Variants in TMEM158 observed in about 807,000 individuals in gnomAD.
TMEM158 encodes the protein 40 kDa BINP-binding protein.
A neutral mutation model predicts 12.0 loss-of-function variants in TMEM158; 7 were observed. The ratio of observed to expected loss-of-function variants is 0.59; its 90% CI spans 0.33 to 1.10. The LOEUF is 1.10. Among genes scored for constraint, TMEM158 ranks in the 50% least tolerant of loss-of-function variants. TMEM158 has a pLI of 0.03. For missense variants in TMEM158, 405 were observed against 454.7 expected, an observed-to-expected ratio of 0.89 and a Z score of 0.99; for synonymous variants, 209 against 231.1, an observed-to-expected ratio of 0.90 and a Z score of 0.87.
Position 45,225,390 on chromosome 3 carries a change from C to A in TMEM158, c.638G>T (p.Trp213Leu), listed in dbSNP as rs756436863. The change falls in exon 1 of 1, where the codon TGG becomes TTG. Residue 213 changes from tryptophan to leucine, a missense_variant. Transcript: ENST00000503771. The surrounding 1 kb of genome is among the most constrained non-coding windows in gnomAD (Gnocchi z 5.7). ...SLEELQGEPG[W>L]RLNRKPIEST... ...CTCAATGGGCTTACGGTTCAGCCGC[C>A]AGCCCGGCTCGCCCTGCAGCTCCTC... 6.7e-7 allele frequency: 1 copy of A among 1,497,006 alleles called. No individual in the cohort carries two copies. The highest frequency in any genetic ancestry group is 9.0e-7 in the Non-Finnish European group (1 of 1,116,990). 92.7% of individuals were successfully genotyped at this position (1,497,006 alleles called of 1,614,324 possible). A position where few individuals can be genotyped will look rare whatever the true frequency, so the allele number is the denominator to read the frequency against.
Position 45,225,871 on chromosome 3 carries a change from A to T in TMEM158, c.157T>A (p.Ser53Thr). The change falls in exon 1 of 1, where the codon TCG becomes ACG. Residue 53 changes from serine (S) to threonine (T), a missense_variant. Transcript: ENST00000503771. This position sits in a 1 kb window ranked among gnomAD's most constrained non-coding sequence, Gnocchi z 5.7. Reference protein sequence around the residue: ...DEPIAPRLLASAAPGPPERPG... With the variant: ...DEPIAPRLLATAAPGPPERPG... ...CGCTCGGGGGGCCCGGGGGCCGCCG[A>T]GGCCAGCAGCCGCGGGGCGATGGGC... 5 of 1,218,208 alleles carry T rather than the reference A, an allele frequency of 4.1e-6. No individual in the cohort carries two copies. The highest frequency in any genetic ancestry group is 5.1e-6 in the Non-Finnish European group (5 of 982,614). The allele number at this position is 1,218,208 out of a possible 1,614,324, so 75.5% of individuals were successfully genotyped here.
At position 45,225,343 on chromosome 3, in the gene TMEM158, T is replaced by G. The variant is rs755161611; in HGVS notation, c.685A>C (p.Met229Leu). ...CTCCACACCACGATGACCAGGGTCA[T>G]GAAGCAGGCCACCAGCGTGGACTCA... ...PIESTLVACF[M>L]TLVIVVWSVA... Residue 229 changes from methionine (M) to leucine (L), a missense_variant, in exon 1 of 1, where the codon ATG (methionine) becomes CTG (leucine). Met to Leu is a conservative substitution (Grantham distance 15). Transcript: ENST00000503771. This position sits in a 1 kb window ranked among gnomAD's most constrained non-coding sequence, Gnocchi z 5.7. 1 of 1,525,900 alleles carries G rather than the reference T, an allele frequency of 6.6e-7. No homozygotes were observed. The allele number at this position is 1,525,900 out of a possible 1,614,324, so 94.5% of individuals were successfully genotyped here. A position where few individuals can be genotyped will look rare whatever the true frequency, so the allele number is the denominator to read the frequency against.
chr3:45,224,642 T>TA lies in TMEM158; in HGVS notation c.*482dup, dbSNP rs764485028. ...GCCCTCCCCCCAATTTTAAATAAAT[T>TA]AAAAAACCACAAATTTCAAATACAA... On this transcript the variant is annotated 3_prime_UTR_variant, in exon 1 of 1. Coordinates refer to ENST00000503771, the MANE Select transcript of TMEM158 (RefSeq NM_015444.3). 1 of 153,272 alleles carries TA rather than the reference T, an allele frequency of 6.5e-6. No individual in the cohort carries two copies. Among genetic ancestry groups the TA allele is most frequent in the Admixed American group, 6.5e-5 (1 of 15,302 alleles). The allele number at this position is 153,272 out of a possible 1,614,324, so 9.5% of individuals were successfully genotyped here.
rs1244912266 is a variant in TMEM158 at position 45,225,885 on chromosome 3, G to A, written c.143C>T (p.Pro48Leu). ...NASSADEPIAPRLLASAAPGP... is the reference protein window; with the variant it reads ...NASSADEPIALRLLASAAPGP... ...GGGGGCCGCCGAGGCCAGCAGCCGC[G>A]GGGCGATGGGCTCGTCCGCGGAGGA... Residue 48 changes from proline (P) to leucine (L), a missense_variant, in exon 1 of 1, where the codon CCG (proline) becomes CTG (leucine). Transcript: ENST00000503771. The surrounding 1 kb of genome is among the most constrained non-coding windows in gnomAD (Gnocchi z 5.7). 3.3e-6 allele frequency: 4 copies of A among 1,210,010 alleles called. No homozygotes were observed. Among genetic ancestry groups the A allele is most frequent in the Non-Finnish European group, 2.0e-6 (2 of 977,478 alleles). 75.0% of individuals were successfully genotyped at this position (1,210,010 alleles called of 1,614,324 possible).
chr3:45,225,406 G>A lies in TMEM158; in HGVS notation c.622C>T (p.Gln208Ter). Residue 208 changes from glutamine (Q) to a stop codon, truncating the protein, a stop_gained, in exon 1 of 1, where the codon CAG becomes TAG. Transcript: ENST00000503771. LOFTEE classifies it high-confidence loss of function. The surrounding 1 kb of genome is among the most constrained non-coding windows in gnomAD (Gnocchi z 5.7). ...TTCAGCCGCCAGCCCGGCTCGCCCT[G>A]CAGCTCCTCCAGGCTGAAGTCTAGG... is the stretch of plus-strand genomic sequence containing the variant. ...CCLDFSLEEL[Q>*]GEPGWRLNRK... The A allele has an allele frequency of 6.8e-7, 1 of 1,474,520 alleles. No individual in the cohort carries two copies. The highest frequency in any genetic ancestry group is 1.3e-5 in the South Asian group (1 of 74,984). 91.3% of individuals were successfully genotyped at this position (1,474,520 alleles called of 1,614,324 possible). A position where few individuals can be genotyped will look rare whatever the true frequency, so the allele number is the denominator to read the frequency against.
chr3:45,225,265 C>T lies in TMEM158; in HGVS notation c.763G>A (p.Gly255Ser). The T allele has an allele frequency of 7.0e-7, 1 of 1,421,556 alleles. No homozygotes were observed. The highest frequency in any genetic ancestry group is 9.3e-7 in the Non-Finnish European group (1 of 1,073,924). 88.1% of individuals were successfully genotyped at this position (1,421,556 alleles called of 1,614,324 possible). The part of the protein sequence containing the change: ...VPIIAGFLPN[G>S]MEQRRTTAST... ...GCGGTGGTCCGGCGCTGTTCCATGC[C>T]GTTGGGCAGGAAGCCGGCGATGATG... is the stretch of plus-strand genomic sequence containing the variant. The change falls in exon 1 of 1, where the codon GGC becomes AGC. Residue 255 changes from glycine (G) to serine (S), a missense_variant. Transcript: ENST00000503771. This position sits in a 1 kb window ranked among gnomAD's most constrained non-coding sequence, Gnocchi z 5.7.
At position 45,224,992 on chromosome 3, in the gene TMEM158, G is replaced by A; in HGVS notation, c.*133C>T. On this transcript the variant is annotated 3_prime_UTR_variant, in exon 1 of 1. Transcript: ENST00000503771. ...AAACCTTGCTTTTCAAAGGCGCTGGGGTCTCTCGGCGGCCCCATCTCGGGA... is the reference window on the plus strand; with the variant it reads ...AAACCTTGCTTTTCAAAGGCGCTGGAGTCTCTCGGCGGCCCCATCTCGGGA... 1 of 1,184,546 alleles carries A rather than the reference G, an allele frequency of 8.4e-7. No homozygotes were observed. The highest frequency in any genetic ancestry group is 3.6e-5 in the East Asian group (1 of 27,818). 73.4% of individuals were successfully genotyped at this position (1,184,546 alleles called of 1,614,324 possible). A position where few individuals can be genotyped will look rare whatever the true frequency, so the allele number is the denominator to read the frequency against.
chr3:45,225,271 G>C lies in TMEM158; in HGVS notation c.757C>G (p.Pro253Ala), dbSNP rs1439329055. The C allele has an allele frequency of 7.0e-7, 1 of 1,431,072 alleles. No individual in the cohort carries two copies. The highest frequency in any genetic ancestry group is 9.3e-7 in the Non-Finnish European group (1 of 1,079,100). 88.6% of individuals were successfully genotyped at this position (1,431,072 alleles called of 1,614,324 possible). ...GTCCGGCGCTGTTCCATGCCGTTGG[G>C]CAGGAAGCCGGCGATGATGGGCACC... is the stretch of plus-strand genomic sequence containing the variant. ...WPVPIIAGFL[P>A]NGMEQRRTTA... The change falls in exon 1 of 1, where the codon CCC becomes GCC. Residue 253 changes from proline (P) to alanine (A), a missense_variant. Physicochemically the swap from Pro to Ala is conservative, Grantham distance 27 (BLOSUM62 -1). Coordinates refer to ENST00000503771, the MANE Select transcript of TMEM158 (RefSeq NM_015444.3). The surrounding 1 kb of genome is among the most constrained non-coding windows in gnomAD (Gnocchi z 5.7).
rs940835856 is a variant in TMEM158, at chr3:45,225,868, C to A, written c.160G>T (p.Ala54Ser). 1.6e-6 allele frequency: 2 copies of A among 1,224,630 alleles called. No homozygotes were observed. The highest frequency in any genetic ancestry group is 2.0e-6 in the Non-Finnish European group (2 of 986,374). 75.9% of individuals were successfully genotyped at this position (1,224,630 alleles called of 1,614,324 possible). A position where few individuals can be genotyped will look rare whatever the true frequency, so the allele number is the denominator to read the frequency against. Residue 54 changes from alanine to serine, a missense_variant, in exon 1 of 1, where the codon GCG becomes TCG. Coordinates refer to ENST00000503771, the MANE Select transcript of TMEM158 (RefSeq NM_015444.3). This position sits in a 1 kb window ranked among gnomAD's most constrained non-coding sequence, Gnocchi z 5.7. Reference protein sequence around the residue: ...EPIAPRLLASAAPGPPERPGP... With the variant: ...EPIAPRLLASSAPGPPERPGP... The stretch of plus-strand genomic sequence containing the variant: ...GGGCGCTCGGGGGGCCCGGGGGCCG[C>A]CGAGGCCAGCAGCCGCGGGGCGATG...
chr3:45,225,589 C>A lies in TMEM158; in HGVS notation c.439G>T (p.Gly147Cys). The change falls in exon 1 of 1, where the codon GGC becomes TGC. Residue 147 changes from glycine (G) to cysteine (C), a missense_variant. Coordinates refer to ENST00000503771, the MANE Select transcript of TMEM158 (RefSeq NM_015444.3). This position sits in a 1 kb window ranked among gnomAD's most constrained non-coding sequence, Gnocchi z 5.7. ...QQDLRLCVGC[G>C]WVRGRRTGRL... is the part of the protein sequence containing the mutation. ...CCGGTGCGGCGACCGCGCACCCAGCCGCAGCCCACGCAGAGGCGCAGGTCC... is the reference window on the plus strand; with the variant it reads ...CCGGTGCGGCGACCGCGCACCCAGCAGCAGCCCACGCAGAGGCGCAGGTCC... The A allele has an allele frequency of 8.2e-7, 1 of 1,213,058 alleles. No homozygotes were observed. Among genetic ancestry groups the A allele is most frequent in the Non-Finnish European group, 1.0e-6 (1 of 973,606 alleles). The allele number at this position is 1,213,058 out of a possible 1,614,324, so 75.1% of individuals were successfully genotyped here.
Position 45,224,985 on chromosome 3 carries a change from G to C in TMEM158, c.*140C>G. 8.5e-7 allele frequency: 1 copy of C among 1,180,676 alleles called. No homozygotes were observed. The highest frequency in any genetic ancestry group is 1.0e-6 in the Non-Finnish European group (1 of 952,476). The allele number at this position is 1,180,676 out of a possible 1,614,324, so 73.1% of individuals were successfully genotyped here. On this transcript the variant is annotated 3_prime_UTR_variant, in exon 1 of 1. Transcript: ENST00000503771. ...GCAGCACAAACCTTGCTTTTCAAAG[G>C]CGCTGGGGTCTCTCGGCGGCCCCAT...
At position 45,225,560 on chromosome 3, in the gene TMEM158, G is replaced by T; in HGVS notation, c.468C>A (p.Arg156=). 9.4e-7 allele frequency: 1 copy of T among 1,062,304 alleles called. No homozygotes were observed. The highest frequency in any genetic ancestry group is 1.1e-6 in the Non-Finnish European group (1 of 882,262). 65.8% of individuals were successfully genotyped at this position (1,062,304 alleles called of 1,614,324 possible). The change falls in exon 1 of 1, where the codon CGC becomes CGA. Residue 156 remains arginine (R), a synonymous_variant. Transcript: ENST00000503771. The surrounding 1 kb of genome is among the most constrained non-coding windows in gnomAD (Gnocchi z 5.7). ...CGWVRGRRTG[R]LRPAAAPSAA... ...CGCTGGGGGCGGCGGCGGGCCGGAG[G>T]CGGCCGGTGCGGCGACCGCGCACCC...
rs1351665765 is a variant in TMEM158, at chr3:45,225,632, C to T, written c.396G>A (p.Ala132=). The T allele has an allele frequency of 1.4e-6, 2 of 1,407,620 alleles. No individual in the cohort carries two copies. The highest frequency in any genetic ancestry group is 2.7e-5 in the South Asian group (2 of 73,016). The allele number at this position is 1,407,620 out of a possible 1,614,324, so 87.2% of individuals were successfully genotyped here. A position where few individuals can be genotyped will look rare whatever the true frequency, so the allele number is the denominator to read the frequency against. The change falls in exon 1 of 1, where the codon GCG becomes GCA. Residue 132 remains alanine, a synonymous_variant. Transcript: ENST00000503771. The surrounding 1 kb of genome is among the most constrained non-coding windows in gnomAD (Gnocchi z 5.7). The part of the protein sequence containing the change: ...PPLLIEHLGL[A]AGGAQQDLRL... ...GCAGGTCCTGCTGCGCGCCGCCCGC[C>T]GCCAGCCCCAGGTGCTCGATGAGCA...
In TMEM158 at chr3:45,225,148, T is replaced by A. The variant is rs1375258732; in HGVS notation, c.880A>T (p.Thr294Ser). 4.0e-6 allele frequency: 5 copies of A among 1,260,504 alleles called. No homozygotes were observed. Among genetic ancestry groups the A allele is most frequent in the African/African-American group, 3.1e-5 (2 of 64,180 alleles). The allele number at this position is 1,260,504 out of a possible 1,614,324, so 78.1% of individuals were successfully genotyped here. ...AAAAAAAAAV[T>S]SGVATK ...GGTCACTTGGTCGCCACCCCCGAAG[T>A]GACGGCCGCGGCGGCGGCGGCAGCG... is the stretch of plus-strand genomic sequence containing the variant. The change falls in exon 1 of 1, where the codon ACT becomes TCT. Residue 294 changes from threonine to serine, a missense_variant. Physicochemically the swap from Thr to Ser is moderately conservative, Grantham distance 58. Coordinates refer to ENST00000503771, the MANE Select transcript of TMEM158 (RefSeq NM_015444.3). The surrounding 1 kb of genome is among the most constrained non-coding windows in gnomAD (Gnocchi z 5.7).
rs998957305 is a variant in TMEM158, at chr3:45,225,452, G to C, written c.576C>G (p.Gly192=). The C allele has an allele frequency of 5.1e-6, 7 of 1,362,546 alleles. No homozygotes were observed. The African/African-American group carries it at 9.0e-5, about 17-fold the overall frequency. The allele number at this position is 1,362,546 out of a possible 1,614,324, so 84.4% of individuals were successfully genotyped here. A position where few individuals can be genotyped will look rare whatever the true frequency, so the allele number is the denominator to read the frequency against. The change falls in exon 1 of 1, where the codon GGC becomes GGG. Residue 192 remains glycine (G), a synonymous_variant. Coordinates refer to ENST00000503771, the MANE Select transcript of TMEM158 (RefSeq NM_015444.3). This position sits in a 1 kb window ranked among gnomAD's most constrained non-coding sequence, Gnocchi z 5.7. ...AEPPGPLWLQ[G]EPLHFCCLDF... ...CTAGGCAGCAGAAATGCAGCGGCTC[G>C]CCCTGCAGCCACAGCGGCCCGGGCG...
In TMEM158 at chr3:45,225,656, C is replaced by A. The variant is rs1700150773; in HGVS notation, c.372G>T (p.Leu124=). Residue 124 remains leucine (L), a synonymous_variant, in exon 1 of 1, where the codon CTG becomes CTT. Coordinates refer to ENST00000503771, the MANE Select transcript of TMEM158 (RefSeq NM_015444.3). This position sits in a 1 kb window ranked among gnomAD's most constrained non-coding sequence, Gnocchi z 5.7. ...AAAFHRVGPP[L]LIEHLGLAAG... ...CCGCCAGCCCCAGGTGCTCGATGAGCAGCGGCGGCCCGACGCGGTGGAAGG... is the reference window on the plus strand; with the variant it reads ...CCGCCAGCCCCAGGTGCTCGATGAGAAGCGGCGGCCCGACGCGGTGGAAGG... 1 of 1,441,596 alleles carries A rather than the reference C, an allele frequency of 6.9e-7. No homozygotes were observed. The highest frequency in any genetic ancestry group is 9.1e-7 in the Non-Finnish European group (1 of 1,093,930). The allele number at this position is 1,441,596 out of a possible 1,614,324, so 89.3% of individuals were successfully genotyped here.
In TMEM158 at chr3:45,225,220, G is replaced by C. The variant is rs1700144831; in HGVS notation, c.808C>G (p.Pro270Ala). 7.7e-7 allele frequency: 1 copy of C among 1,301,274 alleles called. No homozygotes were observed. Among genetic ancestry groups the C allele is most frequent in the Non-Finnish European group, 9.8e-7 (1 of 1,019,372 alleles). 80.6% of individuals were successfully genotyped at this position (1,301,274 alleles called of 1,614,324 possible). A position where few individuals can be genotyped will look rare whatever the true frequency, so the allele number is the denominator to read the frequency against. Reference sequence around the variant, plus strand: ...GTGGTCCCTGCGGGCACTGCGGCGGGGGTGGCTGCGGTGGTGCTGGCGGTG... The same window carrying C: ...GTGGTCCCTGCGGGCACTGCGGCGGCGGTGGCTGCGGTGGTGCTGGCGGTG... ...RTTASTTAAT[P>A]AAVPAGTTAA... Residue 270 changes from proline to alanine, a missense_variant, in exon 1 of 1, where the codon CCC (proline) becomes GCC (alanine). Coordinates refer to ENST00000503771, the MANE Select transcript of TMEM158 (RefSeq NM_015444.3). The surrounding 1 kb of genome is among the most constrained non-coding windows in gnomAD (Gnocchi z 5.7).
rs1700156886 is a variant in TMEM158 at position 45,226,053 on chromosome 3, C to G, written c.-26G>C. ...GGCCTGCGGCGGGCGCCTACGCGCG[C>G]GAGGCCGGCGGCGGTTGCATGGCGA... is the stretch of plus-strand genomic sequence containing the variant. On this transcript the variant is annotated 5_prime_UTR_variant, in exon 1 of 1. Transcript: ENST00000503771. 1 of 985,796 alleles carries G rather than the reference C, an allele frequency of 1.0e-6. No homozygotes were observed. The allele number at this position is 985,796 out of a possible 1,614,324, so 61.1% of individuals were successfully genotyped here.
In TMEM158 at chr3:45,225,212, T is replaced by C. The variant is rs1014629048; in HGVS notation, c.816A>G (p.Ala272=). ...CGGCTGCGGTGGTCCCTGCGGGCAC[T>C]GCGGCGGGGGTGGCTGCGGTGGTGC... ...TASTTAATPA[A]VPAGTTAAAA... is the part of the protein sequence containing the mutation. The change falls in exon 1 of 1, where the codon GCA becomes GCG. Residue 272 remains alanine, a synonymous_variant. Transcript: ENST00000503771. This position sits in a 1 kb window ranked among gnomAD's most constrained non-coding sequence, Gnocchi z 5.7. 2 of 1,294,940 alleles carry C rather than the reference T, an allele frequency of 1.5e-6. No individual in the cohort carries two copies. The highest frequency in any genetic ancestry group is 6.7e-5 in the Admixed American group (2 of 30,054). 80.2% of individuals were successfully genotyped at this position (1,294,940 alleles called of 1,614,324 possible).
Sources: allele counts gnomAD v4.1 joint callset, GRCh38; gene constraint gnomAD v4.1.1; non-coding constraint Gnocchi (gnomAD v3.1); transcripts MANE v1.5; gene names NCBI Gene and HGNC (gene_info 2026-07-23, HGNC 2026-07-21).